The following PLLP variants were observed in gnomAD, a reference collection of about 807,000 sequenced individuals.
PLLP encodes plasma membrane proteolipid (plasmolipin).
A neutral mutation model predicts 19.7 loss-of-function variants in PLLP; 15 were observed. The ratio of observed to expected loss-of-function variants is 0.76; its 90% CI spans 0.51 to 1.17. The LOEUF (loss-of-function observed/expected upper bound fraction) is 1.17. PLLP is among the 50% of genes most tolerant of loss of function. The probability of loss-of-function intolerance (pLI) is 0.00; values close to 1 mark genes in which losing one functional copy is unlikely to be tolerated. For missense variants in PLLP, 255 were observed against 258.3 expected (o/e 0.99, Z 0.09); for synonymous variants, 111 against 116.3 (o/e 0.95, Z 0.29).
At chr16:57,275,641 CAAAAAAA>C (rs57139241) in intron 1 of PLLP, among the ~76,000 whole-genome samples, 3 of 41,384 alleles carry the variant, frequency 7.2e-5, no homozygotes, top group Non-Finnish European at 1.3e-4. Context: ...TTTTGCAAGG[CAAAAAAA>C]AAAAAAAAAA....
chr16:57,277,714 C>T (rs1446782346), intron 1 of PLLP, among the ~76,000 whole-genome samples: 1 of 152,140 alleles, frequency 6.6e-6, no homozygotes, highest in Non-Finnish European at 1.5e-5. Context: ...AAAAGCATGG[C>T]TTGGCACATG....
At chr16:57,264,502 C>G (rs1272373269) in intron 1 of PLLP, among the ~76,000 whole-genome samples, 1 of 152,228 alleles carries the variant, frequency 6.6e-6, no homozygotes, top group African/African-American at 2.4e-5. Flanking sequence ...TTTCTTCAAC[C>G]ATGACAGAGA....
At chr16:57,282,228 CT>C (rs5817092) in intron 1 of PLLP, among the ~76,000 whole-genome samples, 20,114 of 146,376 alleles carry the variant, frequency 0.14, 1,500 homozygotes, top group Non-Finnish European at 0.18. Flanking sequence ...TTTTTCTTTT[CT>C]TTTTTTTTTT....
chr16:57,257,158 C>T, intron 3 of PLLP, 129 bp from the exon 4 acceptor site: 1 of 681,150 alleles, frequency 1.5e-6, no homozygotes, highest in Middle Eastern at 2.6e-4. Context: ...ATGCATTTCA[C>T]AGCTGTTTAT....
chr16:57,269,452 G>T (rs1169291795), intron 1 of PLLP, among the ~76,000 whole-genome samples: 4 of 152,200 alleles, frequency 2.6e-5, no homozygotes, highest in African/African-American at 7.2e-5. Context: ...CACCTCACAG[G>T]TGTGTCATGG....
At chr16:57,267,979 C>G (rs1314658736) in intron 1 of PLLP, among the ~76,000 whole-genome samples, 9 of 152,010 alleles carry the variant, frequency 5.9e-5, no homozygotes, top group Admixed American at 5.9e-4. Flanking sequence ...CATCTCTAAT[C>G]CAATGACTGG....
chr16:57,269,827 G>A lies in PLLP; in HGVS notation c.136-7757C>T, dbSNP rs527432316. On this transcript the variant is annotated intron_variant, in intron 1 of 3. Coordinates refer to ENST00000219207, the MANE Select transcript of PLLP (RefSeq NM_015993.3). Reference sequence around the variant, plus strand: ...GTTGCCCAGGCTGGAGTGCAGTGGCGCAATCTCGGCTCACTGCAACCTCTG... The same window carrying A: ...GTTGCCCAGGCTGGAGTGCAGTGGCACAATCTCGGCTCACTGCAACCTCTG... Among the ~76,000 whole-genome samples the A allele has an allele frequency of 1.4e-3, 210 of 152,256 alleles. 1 individual carries two copies. The highest frequency in any genetic ancestry group is 2.4e-3 in the Non-Finnish European group (160 of 68,020).
chr16:57,276,540 C>G (rs1203349540), intron 1 of PLLP, among the ~76,000 whole-genome samples: 1 of 141,338 alleles, frequency 7.1e-6, no homozygotes, highest in Admixed American at 7.5e-5. Flanking sequence ...TGCAGTGAGT[C>G]AAGATCATGC....
intron 1 of PLLP, among the ~76,000 whole-genome samples, chr16:57,282,233 T>C (rs1901229038): frequency 6.8e-6 from 1 of 146,474 alleles, no homozygotes; most frequent in Admixed American, 6.8e-5. Context: ...CTTTTCTTTT[T>C]TTTTTTTTGT....
intron 1 of PLLP, among the ~76,000 whole-genome samples, chr16:57,282,741 T>G (rs1210591645): frequency 6.6e-6 from 1 of 152,152 alleles, no homozygotes; most frequent in Non-Finnish European, 1.5e-5. Context: ...CCCTGCAAAT[T>G]AATTCAACTT....
chr16:57,276,271 A>G (rs1207426560), intron 1 of PLLP, among the ~76,000 whole-genome samples: 2 of 152,158 alleles, frequency 1.3e-5, no homozygotes, highest in Admixed American at 6.5e-5. Context: ...AGTCTGGCCG[A>G]CATGGTGAAA....
chr16:57,268,442 G>C (rs62035563), intron 1 of PLLP, among the ~76,000 whole-genome samples: 28 of 152,272 alleles, frequency 1.8e-4, no homozygotes, highest in Non-Finnish European at 3.8e-4. Flanking sequence ...CTGTGCCCTT[G>C]TCTTCATCTT....
At chr16:57,264,114 C>G (rs2075450030) in intron 1 of PLLP, among the ~76,000 whole-genome samples, 1 of 152,142 alleles carries the variant, frequency 6.6e-6, no homozygotes, top group African/African-American at 2.4e-5. Context: ...CTGCCAGGCA[C>G]CCCATCCAAA....
At chr16:57,282,914 TTC>T (rs1232613033) in intron 1 of PLLP, among the ~76,000 whole-genome samples, 2 of 152,154 alleles carry the variant, frequency 1.3e-5, no homozygotes, top group Admixed American at 1.3e-4. Context: ...TTCGCACCAC[TTC>T]TCACACCCAC....
At chr16:57,271,558 T>C (rs1242404455) in intron 1 of PLLP, among the ~76,000 whole-genome samples, 1 of 151,862 alleles carries the variant, frequency 6.6e-6, no homozygotes, top group Non-Finnish European at 1.5e-5. Flanking sequence ...GGCAAGAGAA[T>C]TGCTTGAACC....
chr16:57,264,108 C>G (rs1457440750), intron 1 of PLLP, among the ~76,000 whole-genome samples: 2 of 152,162 alleles, frequency 1.3e-5, no homozygotes, highest in Non-Finnish European at 2.9e-5. Context: ...GGGTGCCTGC[C>G]AGGCACCCCA....
chr16:57,265,363 G>A (rs150750513), intron 1 of PLLP, among the ~76,000 whole-genome samples: 200 of 152,380 alleles, frequency 1.3e-3, no homozygotes, highest in African/African-American at 4.5e-3. Context: ...GCACGCCTCC[G>A]TCCCTTCTCC....
intron 2 of PLLP, among the ~76,000 whole-genome samples, chr16:57,261,435 A>G (rs2075441505): frequency 6.6e-6 from 1 of 152,154 alleles, no homozygotes; most frequent in Non-Finnish European, 1.5e-5. Context: ...AAAACCGTGC[A>G]CCTAGGCATG....
At chr16:57,275,935 G>C (rs1188028070) in intron 1 of PLLP, among the ~76,000 whole-genome samples, 1 of 152,174 alleles carries the variant, frequency 6.6e-6, no homozygotes, top group Admixed American at 6.6e-5. Flanking sequence ...GGGCAATATA[G>C]TGAGACCATG....
Sources: gnomAD v4.1 joint callset for allele counts (sites outside exome capture counted in the v4.1 genomes callset) on GRCh38, gnomAD v4.1.1 for gene constraint, MANE v1.5 for transcripts, NCBI Gene and HGNC (gene_info 2026-07-23, HGNC 2026-07-21) for gene names.